Variants in SCN3A observed in about 807,000 individuals in gnomAD.
SCN3A encodes the protein sodium voltage-gated channel alpha subunit 3.
Under a neutral mutation model 187.6 loss-of-function variants are expected in SCN3A, and 60 were observed. That is an observed-to-expected ratio of 0.32 (90% CI 0.26 to 0.40). SCN3A has a LOEUF of 0.40. SCN3A is among the 10% of genes least tolerant of loss of function. SCN3A has a pLI of 1.00. For missense variants in SCN3A, 1,601 were observed against 2,428.2 expected, an observed-to-expected ratio of 0.66 and a Z score of 7.16; for synonymous variants, 788 against 829.2, an observed-to-expected ratio of 0.95 and a Z score of 0.85.
intron 15 of SCN3A, among the ~76,000 whole-genome samples, chr2:165,134,743 T>G (rs764943453): frequency 9.2e-5 from 14 of 152,190 alleles, no homozygotes; most frequent in Non-Finnish European, 1.5e-4. Flanking sequence ...CAAATTTTAT[T>G]TCATGTATAA....
Position 165,164,443 on chromosome 2 carries a change from G to A in SCN3A, c.551C>T (p.Thr184Met), listed in dbSNP as rs200410949. The A allele has an allele frequency of 1.5e-5, 24 of 1,613,694 alleles. No homozygotes were observed. Among genetic ancestry groups the A allele is most frequent in the Admixed American group, 3.3e-5 (2 of 59,982 alleles). The change falls in exon 6 of 28, where the codon ACG becomes ATG. Residue 184 changes from threonine (T) to methionine (M), a missense_variant. Transcript: ENST00000283254. The part of the protein sequence containing the change: ...LARGFCLEDF[T>M]FLRDPWNWLD... ...CCAGTTCCATGGATCACGAAGAAAC[G>A]TAAAATCTTCTAAGCAAAACCCTCT...
At chr2:165,126,452 TTTC>T (rs961339212) in intron 18 of SCN3A, among the ~76,000 whole-genome samples, 61 of 151,446 alleles carry the variant, frequency 4.0e-4, no homozygotes, top group Non-Finnish European at 4.9e-4. Context: ...TCTTTCTCTT[TTTC>T]TTTTCTTTCT....
At chr2:165,100,232 C>A in intron 22 of SCN3A, 70 bp downstream of exon 22, 1 of 1,518,716 alleles carries the variant, frequency 6.6e-7, no homozygotes, top group Non-Finnish European at 9.1e-7. Context: ...GAGTATGGCA[C>A]CCTTTTCTAT....
At chr2:165,195,745 G>T (rs1691910130) in intron 1 of SCN3A, among the ~76,000 whole-genome samples, 1 of 152,036 alleles carries the variant, frequency 6.6e-6, no homozygotes, top group African/African-American at 2.4e-5. Context: ...ACAATGACAG[G>T]ATAATTTTAA....
At chr2:165,143,346 T>C (rs1688126671) in intron 12 of SCN3A, among the ~76,000 whole-genome samples, 1 of 152,174 alleles carries the variant, frequency 6.6e-6, no homozygotes, top group East Asian at 1.9e-4. Context: ...CTACACAGTA[T>C]TGGTTGGGAG....
intron 17 of SCN3A, 59 bp from the exon 18 acceptor site, chr2:165,128,160 C>G (rs1687109637): frequency 7.7e-7 from 1 of 1,302,990 alleles, no homozygotes; most frequent in African/African-American, 1.5e-5. Flanking sequence ...TAAATAACAG[C>G]CTAAAAAGGG....
At chr2:165,168,603 T>A in intron 5 of SCN3A, 133 bp downstream of exon 5, 1 of 722,990 alleles carries the variant, frequency 1.4e-6, no homozygotes, top group Non-Finnish European at 2.5e-6. Context: ...GAACTTCCCT[T>A]ATCTTCTTTC....
At position 165,087,692 on chromosome 2, in the gene SCN3A, C is replaced by T. The variant is rs1684898034; in HGVS notation, c.*2458G>A. ...CTTGAAAAAAAAGTTAATATAAATT[C>T]TCAATAACTATATCATTAATACCTT... On this transcript the variant is annotated 3_prime_UTR_variant, in exon 28 of 28. Transcript: ENST00000283254. 1 of 151,856 alleles carries T rather than the reference C, an allele frequency of 6.6e-6. No homozygotes were observed. The highest frequency in any genetic ancestry group is 2.1e-4 in the South Asian group (1 of 4,798). 9.4% of individuals were successfully genotyped at this position (151,856 alleles called of 1,614,324 possible).
intron 12 of SCN3A, among the ~76,000 whole-genome samples, chr2:165,145,796 A>G (rs1033713309): frequency 6.6e-6 from 1 of 152,048 alleles, no homozygotes; most frequent in African/African-American, 2.4e-5. Flanking sequence ...TTTTTAGGGT[A>G]TAATTCTGAC....
chr2:165,188,013 A>T (rs1047417166), intron 1 of SCN3A, among the ~76,000 whole-genome samples: 3 of 152,230 alleles, frequency 2.0e-5, no homozygotes, highest in African/African-American at 7.2e-5. Flanking sequence ...AATGAACATG[A>T]TGTTAAGTAT....
intron 15 of SCN3A, 119 bp downstream of exon 15, chr2:165,137,760 C>G: frequency 1.3e-6 from 1 of 799,600 alleles, no homozygotes; most frequent in Non-Finnish European, 2.2e-6. Context: ...TTAGATATTT[C>G]TTTCTATGAG....
intron 18 of SCN3A, among the ~76,000 whole-genome samples, chr2:165,127,270 C>G (rs1300344467): frequency 6.6e-6 from 1 of 151,896 alleles, no homozygotes; most frequent in African/African-American, 2.4e-5. Flanking sequence ...CCATCTTGCC[C>G]AGGCTGGCCT....
chr2:165,100,387 T>A lies in SCN3A; in HGVS notation c.3881A>T (p.Tyr1294Phe). The change falls in exon 22 of 28, where the codon TAC becomes TTC. Residue 1294 changes from tyrosine (Y) to phenylalanine (F), a missense_variant. By Grantham distance (22) the Tyr-to-Phe change is conservative. Around this residue, in one of 11 missense-constraint regions of SCN3A, gnomAD observed 320 missense variants for 623.2 expected, o/e 0.51. Transcript: ENST00000283254. The part of the protein sequence containing the change: ...LVSLVANALG[Y>F]SELGAIKSLR... ...TGATTTGATGGCACCGAGTTCTGAG[T>A]AGCCAAGAGCATTGGCTACCAGGCT... is the stretch of plus-strand genomic sequence containing the variant. 1 of 1,613,806 alleles carries A rather than the reference T, an allele frequency of 6.2e-7. No homozygotes were observed. Among genetic ancestry groups the A allele is most frequent in the South Asian group, 1.1e-5 (1 of 91,076 alleles).
At chr2:165,168,869 C>T in intron 4 of SCN3A, 44 bp from the exon 5 acceptor site, 2 of 1,337,106 alleles carry the variant, frequency 1.5e-6, no homozygotes, top group South Asian at 1.2e-5. Context: ...TTACCATGGC[C>T]ATTTATAAAT....
intron 1 of SCN3A, among the ~76,000 whole-genome samples, chr2:165,202,763 A>T (rs1439141775): frequency 6.6e-6 from 1 of 152,042 alleles, no homozygotes; most frequent in Non-Finnish European, 1.5e-5. Context: ...CTCTATTTGG[A>T]GTGAATGTGA....
In SCN3A at chr2:165,092,808, G is replaced by C; in HGVS notation, c.4537-284C>G. ...GTGGCAACTCATGCCTGTAATTCCA[G>C]CACTTTAGGAGGCTGAGACTGGAGG... On this transcript the variant is annotated intron_variant, in intron 26 of 27. Transcript: ENST00000283254. This position sits in a 1 kb window ranked among gnomAD's most constrained non-coding sequence, Gnocchi z 4.2. 1 of 363,758 alleles carries C rather than the reference G, an allele frequency of 2.7e-6. No homozygotes were observed. Among genetic ancestry groups the C allele is most frequent in the Non-Finnish European group, 5.1e-6 (1 of 196,974 alleles). 22.5% of individuals were successfully genotyped at this position (363,758 alleles called of 1,614,324 possible). A position where few individuals can be genotyped will look rare whatever the true frequency, so the allele number is the denominator to read the frequency against.
chr2:165,095,689 A>T, intron 24 of SCN3A, 41 bp from the exon 25 acceptor site: 1 of 1,101,018 alleles, frequency 9.1e-7, no homozygotes, highest in East Asian at 2.6e-5. Context: ...GAAAAATACT[A>T]TAAATACTTA....
chr2:165,129,960 T>A lies in SCN3A; in HGVS notation c.2902A>T (p.Met968Leu). The change falls in exon 17 of 28, where the codon ATG (methionine) becomes TTG (leucine). Residue 968 changes from methionine to leucine, a missense_variant. Transcript: ENST00000283254. ...TMCLIVFMLV[M>L]VIGNLVVLNL... ...CATACCACAAGGTTTCCAATGACCA[T>A]GACCAACATGAAAACAATAAGGCAC... 6.2e-7 allele frequency: 1 copy of A among 1,614,122 alleles called. No homozygotes were observed. The highest frequency in any genetic ancestry group is 2.2e-5 in the East Asian group (1 of 44,882).
chr2:165,187,416 A>G (rs1691313684), intron 1 of SCN3A, among the ~76,000 whole-genome samples: 1 of 152,246 alleles, frequency 6.6e-6, no homozygotes, highest in African/African-American at 2.4e-5. Flanking sequence ...AAAGGGCAAT[A>G]TATATAATTC....
Sources: gnomAD v4.1 joint callset for allele counts (sites outside exome capture counted in the v4.1 genomes callset) on GRCh38, gnomAD v4.1.1 for gene constraint, gnomAD v4.1.1 regional missense constraint, Gnocchi (gnomAD v3.1) non-coding constraint, MANE v1.5 for transcripts, NCBI Gene and HGNC (gene_info 2026-07-23, HGNC 2026-07-21) for gene names.